The following OR5V1 variants were observed in gnomAD, a reference collection of about 807,000 sequenced individuals.
OR5V1 encodes olfactory receptor family 5 subfamily V member 1.
For synonymous variants in OR5V1, 134 were observed against 143.2 expected (o/e 0.94, Z 0.46); for missense variants, 365 against 371.5 (o/e 0.98, Z 0.14).
chr6:29,361,637 T>TA (rs762699323), intron 1 of OR5V1, among the ~76,000 whole-genome samples: 9 of 150,880 alleles, frequency 6.0e-5, no homozygotes, highest in Non-Finnish European at 1.2e-4. Context: ...TCAACATTCT[T>TA]AAAAAAAAAG....
Position 29,355,110 on chromosome 6 carries a change from G to T in OR5V1, c.*120C>A. Reference sequence around the variant, plus strand: ...CTCAAGAATAAGTACACTTAGACTGGAGTGTATCAACTCTTCAATATCTGT... The same window carrying T: ...CTCAAGAATAAGTACACTTAGACTGTAGTGTATCAACTCTTCAATATCTGT... On this transcript the variant is annotated 3_prime_UTR_variant, in exon 2 of 2. Coordinates refer to ENST00000641768, the MANE Select transcript of OR5V1 (RefSeq NM_030876.6). The T allele has an allele frequency of 1.1e-6, 1 of 874,762 alleles. No homozygotes were observed. Among genetic ancestry groups the T allele is most frequent in the Non-Finnish European group, 1.7e-6 (1 of 586,994 alleles). 54.2% of individuals were successfully genotyped at this position (874,762 alleles called of 1,614,324 possible).
At chr6:29,360,551 C>T (rs1033023264) in intron 1 of OR5V1, among the ~76,000 whole-genome samples, 2 of 152,134 alleles carry the variant, frequency 1.3e-5, no homozygotes, top group African/African-American at 4.8e-5. Flanking sequence ...ACTGGGCTTC[C>T]CTTTGGGATG....
intron 1 of OR5V1, among the ~76,000 whole-genome samples, chr6:29,357,955 A>G (rs1778393223): frequency 6.6e-6 from 1 of 152,174 alleles, no homozygotes; most frequent in Non-Finnish European, 1.5e-5. Flanking sequence ...CAAACTATAT[A>G]CTTTATCGAT....
rs1460682732 is a variant in OR5V1, at chr6:29,354,628, A to G, written c.*602T>C. ...GCCTTTTGAATAGAATAAAGAATGC[A>G]TGTCAAATGGGATTGAAAATTATGA... On this transcript the variant is annotated 3_prime_UTR_variant, in exon 2 of 2. Transcript: ENST00000641768. 6.6e-6 allele frequency: 1 copy of G among 152,180 alleles called. No individual in the cohort carries two copies. Among genetic ancestry groups the G allele is most frequent in the Non-Finnish European group, 1.5e-5 (1 of 68,002 alleles). The allele number at this position is 152,180 out of a possible 1,614,324, so 9.4% of individuals were successfully genotyped here. A position where few individuals can be genotyped will look rare whatever the true frequency, so the allele number is the denominator to read the frequency against.
chr6:29,368,044 C>CGAAA (rs1778940170), intron 1 of OR5V1, among the ~76,000 whole-genome samples: 1 of 152,142 alleles, frequency 6.6e-6, no homozygotes, highest in Non-Finnish European at 1.5e-5. Context: ...TTTTCATTTC[C>CGAAA]TTCTAACAGA....
intron 1 of OR5V1, among the ~76,000 whole-genome samples, chr6:29,367,150 A>G (rs904226165): frequency 1.3e-5 from 2 of 152,072 alleles, no homozygotes; most frequent in African/African-American, 4.8e-5. Context: ...TTTTTTATCC[A>G]CTCAGCCTGT....
At chr6:29,363,969 T>C (rs562019502) in intron 1 of OR5V1, among the ~76,000 whole-genome samples, 74 of 151,834 alleles carry the variant, frequency 4.9e-4, no homozygotes, top group Non-Finnish European at 9.4e-4. Flanking sequence ...GAGAAAGAAA[T>C]AAATGGTATT....
At position 29,355,525 on chromosome 6, in the gene OR5V1, G is replaced by C; in HGVS notation, c.671C>G (p.Thr224Ser). The C allele has an allele frequency of 1.2e-6, 2 of 1,613,996 alleles. No individual in the cohort carries two copies. The highest frequency in any genetic ancestry group is 2.7e-5 in the African/African-American group (2 of 75,048). The change falls in exon 2 of 2, where the codon ACC becomes AGC. Residue 224 changes from threonine to serine, a missense_variant. By Grantham distance (58) the Thr-to-Ser change is moderately conservative. Coordinates refer to ENST00000641768, the MANE Select transcript of OR5V1 (RefSeq NM_030876.6). Reference protein sequence around the residue: ...IVLSYICIISTILRIQSSEGR... With the variant: ...IVLSYICIISSILRIQSSEGR... ...CTCTGAGGACTGGATCCTCAAGATG[G>C]TGGAGATTATGCAAATGTAGGAAAG...
intron 1 of OR5V1, among the ~76,000 whole-genome samples, chr6:29,358,334 G>T (rs1453897017): frequency 6.6e-6 from 1 of 151,912 alleles, no homozygotes; most frequent in Non-Finnish European, 1.5e-5. Context: ...CAAAAATGTG[G>T]AAAAAAGGGA....
rs759218311 is a variant in OR5V1, at chr6:29,355,428, G to C, written c.768C>G (p.Ile256Met). Reference protein sequence around the residue: ...AIVFLFYGSAIFTYVRPISTY... With the variant: ...AIVFLFYGSAMFTYVRPISTY... ...TTGAGATGGGCCGTACATATGTAAA[G>C]ATGGCGCTGCCATAAAAGAGAAAGA... Residue 256 changes from isoleucine (I) to methionine (M), a missense_variant, in exon 2 of 2, where the codon ATC (isoleucine) becomes ATG (methionine). Transcript: ENST00000641768. 3 of 1,613,998 alleles carry C rather than the reference G, an allele frequency of 1.9e-6. No homozygotes were observed. Among genetic ancestry groups the C allele is most frequent in the Non-Finnish European group, 1.7e-6 (2 of 1,179,904 alleles).
In OR5V1 at chr6:29,355,493, G is replaced by A. The variant is rs148190376; in HGVS notation, c.703C>T (p.Arg235Ter). ...GAGGCACATGTAGAGAAGGCTTTTC[G>A]TCTTCCCTCTGAGGACTGGATCCTC... ...ILRIQSSEGR[R>*]KAFSTCASHL... Residue 235 changes from arginine (R) to a stop codon, truncating the protein, a stop_gained, in exon 2 of 2, where the codon CGA becomes TGA. Transcript: ENST00000641768. LOFTEE classifies it low-confidence loss of function (END_TRUNC). 6.4e-5 allele frequency: 104 copies of A among 1,613,842 alleles called. No homozygotes were observed. Among genetic ancestry groups the A allele is most frequent in the South Asian group, 1.8e-4 (16 of 91,084 alleles).
At chr6:29,362,680 A>G (rs539997961) in intron 1 of OR5V1, among the ~76,000 whole-genome samples, 1 of 152,186 alleles carries the variant, frequency 6.6e-6, no homozygotes, top group East Asian at 1.9e-4. Flanking sequence ...TACATTAACA[A>G]CCTGCTCCTG....
intron 1 of OR5V1, among the ~76,000 whole-genome samples, chr6:29,367,895 A>G (rs1778931763): frequency 6.6e-6 from 1 of 152,190 alleles, no homozygotes; most frequent in Non-Finnish European, 1.5e-5. Flanking sequence ...GAAACTTGAT[A>G]TAATACAAGG....
Position 29,355,299 on chromosome 6 carries a change from T to C in OR5V1, c.897A>G (p.Glu299=), listed in dbSNP as rs9257769. ...IYTLRNKDIK[E]AVKTIGSKWQ... Reference sequence around the variant, plus strand: ...ACTTGCTCCCTATAGTTTTGACAGCTTCTTTGATGTCCTTATTCCTCAATG... The same window carrying C: ...ACTTGCTCCCTATAGTTTTGACAGCCTCTTTGATGTCCTTATTCCTCAATG... The change falls in exon 2 of 2, where the codon GAA becomes GAG. Residue 299 remains glutamate (E), a synonymous_variant. Coordinates refer to ENST00000641768, the MANE Select transcript of OR5V1 (RefSeq NM_030876.6). The C allele has an allele frequency of 0.022, 35,272 of 1,613,332 alleles. 452 individuals carry two copies. Among genetic ancestry groups the C allele is most frequent in the East Asian group, 0.05 (2,251 of 44,880 alleles).
rs752668448 is a variant in OR5V1, at chr6:29,355,331, T to A, written c.865A>T (p.Ile289Phe). The part of the protein sequence containing the change: ...SVVTPMLNPI[I>F]YTLRNKDIKE... ...ATGTCCTTATTCCTCAATGTGTAAA[T>A]TATAGGGTTTAGCATGGGGGTAACA... Residue 289 changes from isoleucine to phenylalanine, a missense_variant, in exon 2 of 2, where the codon ATT becomes TTT. Physicochemically the swap from Ile to Phe is conservative, Grantham distance 21. Transcript: ENST00000641768. 3.1e-6 allele frequency: 5 copies of A among 1,613,970 alleles called. No homozygotes were observed. In the Admixed American group the frequency reaches 6.7e-5, roughly 22 times the overall value.
chr6:29,355,401 A>C lies in OR5V1; in HGVS notation c.795T>G (p.Thr265=). The change falls in exon 2 of 2, where the codon ACT becomes ACG. Residue 265 remains threonine (T), a synonymous_variant. Transcript: ENST00000641768. The stretch of plus-strand genomic sequence containing the variant: ...CCAACCTATCTTTCTTTAATGAGTA[A>C]GTTGAGATGGGCCGTACATATGTAA... ...AIFTYVRPIS[T]YSLKKDRLVS... The C allele has an allele frequency of 6.2e-7, 1 of 1,614,046 alleles. No homozygotes were observed. The highest frequency in any genetic ancestry group is 1.3e-5 in the African/African-American group (1 of 75,048).
intron 1 of OR5V1, among the ~76,000 whole-genome samples, chr6:29,363,865 G>A (rs887619149): frequency 7.2e-5 from 11 of 152,004 alleles, no homozygotes; most frequent in East Asian, 3.9e-4. Flanking sequence ...AGCTGGAAGC[G>A]TACTCTTTGA....
At chr6:29,357,340 C>T (rs748528443) in intron 1 of OR5V1, among the ~76,000 whole-genome samples, 1 of 152,004 alleles carries the variant, frequency 6.6e-6, no homozygotes, top group Non-Finnish European at 1.5e-5. Flanking sequence ...GCAAGATAAA[C>T]GTCTGGAAGA....
chr6:29,356,414 T>G (rs1338790614), intron 1 of OR5V1, 137 bp from the exon 2 acceptor site: 7 of 504,286 alleles, frequency 1.4e-5, no homozygotes, highest in Non-Finnish European at 2.4e-5. Context: ...ATGTTTCACC[T>G]GCAGATCAAA....
Sources: allele counts gnomAD v4.1 joint callset (sites outside exome capture counted in the v4.1 genomes callset), GRCh38; gene constraint gnomAD v4.1.1; transcripts MANE v1.5; gene names NCBI Gene and HGNC (gene_info 2026-07-23, HGNC 2026-07-21).